The following DNAJC6 variants were observed in gnomAD, a reference collection of about 807,000 sequenced individuals.
DNAJC6 encodes auxilin.
DNAJC6 carries 34 observed loss-of-function variants against 110.0 expected under a neutral mutation model. That is an observed-to-expected ratio of 0.31 (90% confidence interval 0.24 to 0.41). The LOEUF (loss-of-function observed/expected upper bound fraction) is 0.41, where lower values mean the gene tolerates loss of function less well. DNAJC6 is among the 10% of genes least tolerant of loss of function. DNAJC6 has a pLI of 1.00. For synonymous variants in DNAJC6, 406 were observed against 437.2 expected (o/e 0.93, Z 0.89); for missense variants, 1,031 against 1,207.8 (o/e 0.85, Z 2.17).
chr1:65,373,901 A>G (rs967715354), intron 4 of DNAJC6, among the ~76,000 whole-genome samples: 1 of 151,994 alleles, frequency 6.6e-6, no homozygotes, highest in South Asian at 2.1e-4. Context: ...TCTTCTAGTC[A>G]TTTTATATTT....
At chr1:65,381,816 A>G (rs1365554956) in intron 5 of DNAJC6, among the ~76,000 whole-genome samples, 1 of 152,196 alleles carries the variant, frequency 6.6e-6, no homozygotes, top group African/African-American at 2.4e-5. Context: ...TGTTTTCTTT[A>G]TCAGAGGGAA....
rs775892105 is a variant in DNAJC6 at position 65,389,344 on chromosome 1, G to C, written c.1282G>C (p.Val428Leu). The change falls in exon 10 of 19, where the codon GTA (valine) becomes CTA (leucine). Residue 428 changes from valine (V) to leucine (L), a missense_variant. Transcript: ENST00000371069. ...LDVELQPHDK[V>L]IDLTPPWEHY... ...TGTAGAACTACAGCCCCATGACAAA[G>C]TAATAGACTTAACTCCACCATGGGA... 2 of 1,614,154 alleles carry C rather than the reference G, an allele frequency of 1.2e-6. No individual in the cohort carries two copies. The highest frequency in any genetic ancestry group is 3.3e-5 in the Admixed American group (2 of 60,022).
chr1:65,286,047 T>C (rs1208499828), intron 1 of DNAJC6, among the ~76,000 whole-genome samples: 1 of 152,174 alleles, frequency 6.6e-6, no homozygotes, highest in African/African-American at 2.4e-5. Flanking sequence ...GTGCAGGATA[T>C]ATTTACGGAA....
rs1302055042 is a variant in DNAJC6, at chr1:65,383,959, G to T, written c.667-234G>T. On this transcript the variant is annotated intron_variant, in intron 5 of 18. Coordinates refer to ENST00000371069, the MANE Select transcript of DNAJC6 (RefSeq NM_001256864.2). ...TCACCAAATATATACAAATCAAATT[G>T]GGCTTCTCAGATTAGAATCAATTTT... is the stretch of plus-strand genomic sequence containing the variant. 2 of 369,460 alleles carry T rather than the reference G, an allele frequency of 5.4e-6. No individual in the cohort carries two copies. Among genetic ancestry groups the T allele is most frequent in the East Asian group, 8.3e-5 (2 of 24,098 alleles). 22.9% of individuals were successfully genotyped at this position (369,460 alleles called of 1,614,324 possible).
At chr1:65,376,830 T>A (rs1591363) in intron 4 of DNAJC6, among the ~76,000 whole-genome samples, 1 of 151,938 alleles carries the variant, frequency 6.6e-6, no homozygotes, top group Non-Finnish European at 1.5e-5. Flanking sequence ...AGTGCAATGG[T>A]GTGATCTCAG....
At chr1:65,361,482 G>A (rs1273774030) in intron 1 of DNAJC6, among the ~76,000 whole-genome samples, 1 of 152,132 alleles carries the variant, frequency 6.6e-6, no homozygotes, top group Non-Finnish European at 1.5e-5. Flanking sequence ...ATGTAGGAGT[G>A]TACTGGTACC....
chr1:65,408,907 A>C, intron 17 of DNAJC6, 124 bp downstream of exon 17: 1 of 1,159,546 alleles, frequency 8.6e-7, no homozygotes, highest in East Asian at 2.6e-5. Context: ...CTGCTATAAC[A>C]AAATACCATA....
At chr1:65,347,868 A>G (rs1053693539) in intron 1 of DNAJC6, among the ~76,000 whole-genome samples, 5 of 152,180 alleles carry the variant, frequency 3.3e-5, no homozygotes, top group Non-Finnish European at 2.9e-5. Flanking sequence ...GCTCTCTGAT[A>G]TATGGTTTTG....
intron 7 of DNAJC6, 107 bp from the exon 8 acceptor site, chr1:65,386,705 T>C (rs996035026): frequency 3.1e-6 from 3 of 962,712 alleles, no homozygotes; most frequent in Non-Finnish European, 4.8e-6. Flanking sequence ...GGTCCGGGCC[T>C]GGGCGAACAG....
intron 14 of DNAJC6, among the ~76,000 whole-genome samples, chr1:65,400,662 T>C (rs566767294): frequency 2.8e-4 from 43 of 152,358 alleles, no homozygotes; most frequent in African/African-American, 9.1e-4. Context: ...TGATAGGAAT[T>C]CTTCCTTTTT....
At chr1:65,367,383 T>G (rs921163044) in intron 4 of DNAJC6, among the ~76,000 whole-genome samples, 1 of 152,222 alleles carries the variant, frequency 6.6e-6, no homozygotes, top group Non-Finnish European at 1.5e-5. Context: ...CTTTAAAATC[T>G]TCTGTAATAA....
At chr1:65,286,498 C>T (rs1002906580) in intron 1 of DNAJC6, among the ~76,000 whole-genome samples, 1 of 152,174 alleles carries the variant, frequency 6.6e-6, no homozygotes, top group Non-Finnish European at 1.5e-5. Flanking sequence ...CCTCCTGCTT[C>T]AGCCTCCTAA....
intron 5 of DNAJC6, chr1:65,379,833 T>A (rs1037461334): frequency 5.1e-6 from 1 of 195,916 alleles, no homozygotes; most frequent in Non-Finnish European, 1.0e-5. Flanking sequence ...CCATTGACTT[T>A]TGTGTGAATA....
chr1:65,312,030 C>CT (rs1035459812), intron 1 of DNAJC6, among the ~76,000 whole-genome samples: 2 of 152,038 alleles, frequency 1.3e-5, no homozygotes, highest in Admixed American at 6.6e-5. Flanking sequence ...CTAAATCAGA[C>CT]TTTTTTAATA....
At chr1:65,362,690 G>A (rs968791324) in intron 1 of DNAJC6, among the ~76,000 whole-genome samples, 3 of 152,160 alleles carry the variant, frequency 2.0e-5, no homozygotes, top group Non-Finnish European at 4.4e-5. Context: ...ACAGCTAGGG[G>A]TAGCAAAGCT....
chr1:65,412,147 C>G (rs1646135118), intron 18 of DNAJC6, among the ~76,000 whole-genome samples: 1 of 152,138 alleles, frequency 6.6e-6, no homozygotes, highest in Admixed American at 6.5e-5. Context: ...ATAAAATATT[C>G]AGAATGGAAT....
chr1:65,295,495 C>T (rs982346640), intron 1 of DNAJC6, among the ~76,000 whole-genome samples: 2 of 152,172 alleles, frequency 1.3e-5, no homozygotes, highest in Admixed American at 6.5e-5. Context: ...TATGGCAGCT[C>T]TAACCCAACC....
intron 1 of DNAJC6, among the ~76,000 whole-genome samples, chr1:65,316,658 T>C (rs1645151593): frequency 1.3e-5 from 2 of 152,206 alleles, no homozygotes; most frequent in African/African-American, 4.8e-5. Context: ...CCCATCCAAA[T>C]CTAAAAATAA....
chr1:65,279,264 A>C (rs922618765), intron 1 of DNAJC6: 1 of 680,378 alleles, frequency 1.5e-6, no homozygotes, highest in East Asian at 1.4e-4. Flanking sequence ...TGCTGCTGTG[A>C]GATAAATGGG....
Sources: allele counts gnomAD v4.1 joint callset (sites outside exome capture counted in the v4.1 genomes callset), GRCh38; gene constraint gnomAD v4.1.1; transcripts MANE v1.5; gene names NCBI Gene and HGNC (gene_info 2026-07-23, HGNC 2026-07-21).